Variants in ADGRV1 observed in about 807,000 individuals in gnomAD.
The protein encoded by ADGRV1 is G-protein coupled receptor 98.
In ADGRV1, 359 loss-of-function variants were observed where a neutral mutation model predicts 596.2. That is an observed-to-expected ratio of 0.60 (90% CI 0.55 to 0.66). The LOEUF is 0.66. Ranked by LOEUF, ADGRV1 falls within the 30% of genes least tolerant of loss-of-function variation. The pLI is 0.00. For missense variants in ADGRV1, 7,274 were observed against 7,575.6 expected, an observed-to-expected ratio of 0.96 and a Z score of 1.48; for synonymous variants, 2,681 against 2,679.2, an observed-to-expected ratio of 1.00 and a Z score of -0.02.
chr5:91,114,400 G>T (rs927786400), intron 87 of ADGRV1, among the ~76,000 whole-genome samples: 14 of 151,948 alleles, frequency 9.2e-5, no homozygotes, highest in African/African-American at 3.4e-4. Flanking sequence ...GGTGGCACAC[G>T]CCTGTAATTG....
Position 90,757,168 on chromosome 5 carries a change from C to CA in ADGRV1, c.11940+8dup. On this transcript the variant is annotated splice_region_variant and intron_variant, in intron 57 of 89. Transcript: ENST00000405460. ...TGAATTTGCAGATAAACAGGTATGC[C>CA]AGTCATTAACATATTAGCCTTTTTG... The CA allele has an allele frequency of 1.9e-6, 3 of 1,612,110 alleles. No homozygotes were observed. Among genetic ancestry groups the CA allele is most frequent in the Non-Finnish European group, 2.5e-6 (3 of 1,178,344 alleles).
At chr5:91,091,221 C>T (rs995641302) in intron 86 of ADGRV1, among the ~76,000 whole-genome samples, 12 of 152,084 alleles carry the variant, frequency 7.9e-5, no homozygotes, top group Non-Finnish European at 1.5e-4. Flanking sequence ...GGGAATGTTA[C>T]TCATAGGCAG....
intron 85 of ADGRV1, among the ~76,000 whole-genome samples, chr5:90,999,521 C>T (rs949393306): frequency 1.7e-4 from 26 of 151,824 alleles, no homozygotes; most frequent in African/African-American, 3.1e-4. Flanking sequence ...AAATATCAAG[C>T]GGAATAGAGC....
At chr5:91,114,027 G>A (rs1792625536) in intron 87 of ADGRV1, among the ~76,000 whole-genome samples, 1 of 151,930 alleles carries the variant, frequency 6.6e-6, no homozygotes. Context: ...GACCAGCCTG[G>A]CCGACATAGT....
chr5:91,093,184 G>A (rs1479222609), intron 86 of ADGRV1, among the ~76,000 whole-genome samples: 2 of 152,108 alleles, frequency 1.3e-5, no homozygotes, highest in Non-Finnish European at 2.9e-5. Flanking sequence ...GTTTGGCTGA[G>A]GCCCACCCAA....
At position 90,729,947 on chromosome 5, in the gene ADGRV1, A is replaced by C. The variant is rs145550054; in HGVS notation, c.10549+183A>C. On this transcript the variant is annotated intron_variant, in intron 50 of 89. Coordinates refer to ENST00000405460, the MANE Select transcript of ADGRV1 (RefSeq NM_032119.4). ...AGTGGGGCAATCTCTGCTCACTGCA[A>C]GCTCCGCCTCCCAGGTTCCGCTATT... 0.026 allele frequency among the ~76,000 whole-genome samples: 3,943 copies of C among 152,064 alleles called. 150 individuals are homozygous for C. The highest frequency in any genetic ancestry group is 0.091 in the African/African-American group (3,756 of 41,428).
intron 83 of ADGRV1, among the ~76,000 whole-genome samples, chr5:90,871,050 C>T (rs1352834991): frequency 6.6e-6 from 1 of 151,944 alleles, no homozygotes; most frequent in East Asian, 1.9e-4. Flanking sequence ...TCTGTGATGG[C>T]CTTATATTTT....
intron 82 of ADGRV1, among the ~76,000 whole-genome samples, chr5:90,861,558 C>T (rs1767579080): frequency 6.6e-6 from 1 of 152,092 alleles, no homozygotes; most frequent in African/African-American, 2.4e-5. Flanking sequence ...ATCTGCCCAC[C>T]TTGGCCTCCC....
chr5:90,871,948 G>A (rs1768725321), intron 83 of ADGRV1, among the ~76,000 whole-genome samples: 1 of 152,190 alleles, frequency 6.6e-6, no homozygotes. Context: ...AAATGCCCAA[G>A]ACACAAGATC....
intron 17 of ADGRV1, among the ~76,000 whole-genome samples, 185 bp downstream of exon 17, chr5:90,647,949 C>T (rs573632015): frequency 6.5e-4 from 1 of 1,544 alleles, no homozygotes; most frequent in East Asian, 0.062. Flanking sequence ...CCTTTATGTA[C>T]TTGTTGAACC....
intron 85 of ADGRV1, among the ~76,000 whole-genome samples, chr5:91,058,844 A>G (rs2151339008): frequency 6.6e-6 from 1 of 152,284 alleles, no homozygotes; most frequent in Non-Finnish European, 1.5e-5. Context: ...TGCATGACTG[A>G]GTCACCTTAC....
intron 85 of ADGRV1, among the ~76,000 whole-genome samples, chr5:91,029,687 CT>C (rs1418681476): frequency 6.6e-6 from 1 of 151,926 alleles, no homozygotes; most frequent in Non-Finnish European, 1.5e-5. Flanking sequence ...TTTATTTTTT[CT>C]TATTGATTTG....
At position 90,712,299 on chromosome 5, in the gene ADGRV1, G is replaced by C; in HGVS notation, c.9055G>C (p.Ala3019Pro). The C allele has an allele frequency of 2.0e-6, 3 of 1,533,180 alleles. No homozygotes were observed. Among genetic ancestry groups the C allele is most frequent in the Non-Finnish European group, 2.6e-6 (3 of 1,134,534 alleles). The allele number at this position is 1,533,180 out of a possible 1,614,324, so 95.0% of individuals were successfully genotyped here. Residue 3019 changes from alanine to proline, a missense_variant, in exon 42 of 90, where the codon GCT becomes CCT. Ala to Pro is a conservative substitution (Grantham distance 27, BLOSUM62 -1). Around this residue, in one of 5 missense-constraint regions of ADGRV1, gnomAD observed 3,643 missense variants for 3,809.2 expected, o/e 0.96. Transcript: ENST00000405460. Reference sequence around the variant, plus strand: ...CCTTTTTGACCAGATTCTTCATTTTGCTGATGGAGAAAGGTATAAAAATGT... The same window carrying C: ...CCTTTTTGACCAGATTCTTCATTTTCCTGATGGAGAAAGGTATAAAAATGT... Reference protein sequence around the residue: ...YIFTPMILHFADGERYKNVNI... With the variant: ...YIFTPMILHFPDGERYKNVNI...
intron 1 of ADGRV1, among the ~76,000 whole-genome samples, chr5:90,563,265 G>T (rs944637324): frequency 1.8e-4 from 28 of 152,180 alleles, no homozygotes; most frequent in Non-Finnish European, 2.8e-4. Context: ...TAGCCAATTT[G>T]GTTACATGCA....
At chr5:90,697,518 AT>A (rs1374807181) in intron 34 of ADGRV1, among the ~76,000 whole-genome samples, 1 of 152,178 alleles carries the variant, frequency 6.6e-6, no homozygotes, top group Non-Finnish European at 1.5e-5. Context: ...AGTATAGCGT[AT>A]GCCCAAGGGT....
At chr5:90,624,992 A>G in intron 5 of ADGRV1, 138 bp from the exon 6 acceptor site, 1 of 594,968 alleles carries the variant, frequency 1.7e-6, no homozygotes, top group South Asian at 2.3e-5. Flanking sequence ...TTTGAAGGGC[A>G]GAATGATGTA....
chr5:90,719,119 C>T (rs3942393), intron 43 of ADGRV1, among the ~76,000 whole-genome samples: 48,182 of 151,842 alleles, frequency 0.32, 8,143 homozygotes, highest in Admixed American at 0.48. Context: ...CACTTGAGGT[C>T]AGGAGTTCGA....
In ADGRV1 at chr5:91,056,317, C is replaced by G. The variant is rs116519601; in HGVS notation, c.18153-16130C>G. On this transcript the variant is annotated intron_variant, in intron 85 of 89. Transcript: ENST00000405460. ...AGTGGATCAGACCAGCAGCAAACCA[C>G]CAAACAGTGACCATGACCTTTTTTT... 8.2e-3 allele frequency among the ~76,000 whole-genome samples: 1,246 copies of G among 152,212 alleles called. 18 individuals carry two copies. The highest frequency in any genetic ancestry group is 0.028 in the African/African-American group (1,182 of 41,496).
At chr5:90,668,543 T>A (rs555208827) in intron 21 of ADGRV1, among the ~76,000 whole-genome samples, 144 of 149,226 alleles carry the variant, frequency 9.6e-4, no homozygotes, top group African/African-American at 3.1e-3. Flanking sequence ...CTGGTACCTC[T>A]GATGGAAATG....
Sources: gnomAD v4.1 joint callset for allele counts (sites outside exome capture counted in the v4.1 genomes callset) on GRCh38, gnomAD v4.1.1 for gene constraint, gnomAD v4.1.1 regional missense constraint, MANE v1.5 for transcripts, NCBI Gene and HGNC (gene_info 2026-07-23, HGNC 2026-07-21) for gene names.